The following THSD7B variants were observed in gnomAD, a reference collection of about 807,000 sequenced individuals.
THSD7B encodes the protein thrombospondin type-1 domain-containing protein 7B.
A neutral mutation model predicts 213.6 loss-of-function variants in THSD7B; 138 were observed. That is an observed-to-expected ratio of 0.65 (90% CI 0.56 to 0.74). The LOEUF is 0.74. Among genes scored for constraint, THSD7B ranks in the 30% least tolerant of loss-of-function variants. The pLI is 0.00. For missense variants in THSD7B, 1,931 were observed against 1,991.5 expected, an observed-to-expected ratio of 0.97 and a Z score of 0.58; for synonymous variants, 742 against 687.0, an observed-to-expected ratio of 1.08 and a Z score of -1.25.
intron 5 of THSD7B, among the ~76,000 whole-genome samples, chr2:137,148,805 C>T (rs1679758442): frequency 1.3e-5 from 2 of 152,096 alleles, no homozygotes; most frequent in South Asian, 4.1e-4. Flanking sequence ...CAAGAGAAAG[C>T]AGAGCATAAA....
intron 5 of THSD7B, among the ~76,000 whole-genome samples, chr2:137,137,608 G>A (rs912960920): frequency 6.6e-6 from 1 of 152,112 alleles, no homozygotes; most frequent in Non-Finnish European, 1.5e-5. Flanking sequence ...ATGCCATATA[G>A]CCTAGGTGTA....
At chr2:137,456,594 A>G (rs1411943785) in intron 15 of THSD7B, among the ~76,000 whole-genome samples, 4 of 152,214 alleles carry the variant, frequency 2.6e-5, no homozygotes, top group Non-Finnish European at 4.4e-5. Context: ...CCCAGACTTT[A>G]CTGGAGCAAG....
intron 2 of THSD7B, among the ~76,000 whole-genome samples, chr2:136,922,803 G>A (rs914886357): frequency 3.9e-5 from 6 of 152,240 alleles, no homozygotes; most frequent in East Asian, 1.9e-4. Flanking sequence ...ACAGGAAAGC[G>A]AAACATTTAA....
At chr2:137,439,283 G>A (rs148792741) in intron 14 of THSD7B, among the ~76,000 whole-genome samples, 107 of 152,026 alleles carry the variant, frequency 7.0e-4, no homozygotes, top group Non-Finnish European at 9.6e-4. Flanking sequence ...GAATATTTTG[G>A]TTGCTTTTGA....
chr2:137,118,791 T>G (rs1688489744), intron 5 of THSD7B, among the ~76,000 whole-genome samples: 1 of 152,104 alleles, frequency 6.6e-6, no homozygotes, highest in African/African-American at 2.4e-5. Flanking sequence ...TACCTGAGAC[T>G]GGATAATTAA....
chr2:137,342,708 ATTTTG>A (rs35535578), intron 12 of THSD7B, among the ~76,000 whole-genome samples: 137,023 of 150,300 alleles, frequency 0.91, 63,139 homozygotes, highest in Non-Finnish European at 0.99. Flanking sequence ...TGGTGAGAAG[ATTTTG>A]TTTTGTTTTG....
intron 21 of THSD7B, 112 bp from the exon 22 acceptor site, chr2:137,655,389 G>A: frequency 8.7e-7 from 1 of 1,149,968 alleles, no homozygotes. Context: ...CACAAGAAGA[G>A]GAAGCTACGA....
chr2:137,069,573 G>GAATGCACTGTGACTTCCTT (rs1483908309), intron 3 of THSD7B, among the ~76,000 whole-genome samples: 1 of 151,920 alleles, frequency 6.6e-6, no homozygotes, highest in East Asian at 1.9e-4. Context: ...TTAGTTAAAT[G>GAATGCACTGTGACTTCCTT]AATGCACTGT....
chr2:136,814,850 G>A (rs1190654091), intron 1 of THSD7B, among the ~76,000 whole-genome samples: 2 of 152,098 alleles, frequency 1.3e-5, no homozygotes, highest in African/African-American at 4.8e-5. Flanking sequence ...TTGGCTCACT[G>A]CCTGTTTTTG....
chr2:137,520,772 A>G (rs1208318553), intron 15 of THSD7B, among the ~76,000 whole-genome samples: 1 of 152,242 alleles, frequency 6.6e-6, no homozygotes, highest in African/African-American at 2.4e-5. Context: ...ACATGGCAAC[A>G]TTCAACATTA....
chr2:137,253,189 C>T (rs1205646585), intron 10 of THSD7B, among the ~76,000 whole-genome samples: 1 of 152,020 alleles, frequency 6.6e-6, no homozygotes, highest in Non-Finnish European at 1.5e-5. Context: ...TACCAAAATG[C>T]CTTGGCTGTG....
chr2:136,946,138 G>C (rs2565213), intron 2 of THSD7B, among the ~76,000 whole-genome samples: 61,303 of 151,664 alleles, frequency 0.4, 14,592 homozygotes, highest in Non-Finnish European at 0.55. Context: ...TCTACATATG[G>C]GGTTTTGGTG....
chr2:137,467,780 T>C (rs530849105), intron 15 of THSD7B, among the ~76,000 whole-genome samples: 17 of 152,290 alleles, frequency 1.1e-4, no homozygotes, highest in Middle Eastern at 3.4e-3. Flanking sequence ...GGCTCTTCCT[T>C]GACACTTACA....
intron 2 of THSD7B, among the ~76,000 whole-genome samples, chr2:136,952,762 A>G (rs1685060848): frequency 6.6e-6 from 1 of 152,164 alleles, no homozygotes; most frequent in Admixed American, 6.5e-5. Flanking sequence ...AGAGTCAAGT[A>G]CATAGGCCTT....
intron 3 of THSD7B, among the ~76,000 whole-genome samples, chr2:137,073,703 C>T (rs1687552478): frequency 6.6e-6 from 1 of 152,126 alleles, no homozygotes; most frequent in South Asian, 2.1e-4. Context: ...ATCTTTCCTG[C>T]TTTCTCTTGT....
intron 1 of THSD7B, among the ~76,000 whole-genome samples, chr2:136,777,774 T>C (rs1681641939): frequency 1.3e-5 from 2 of 152,078 alleles, no homozygotes; most frequent in African/African-American, 4.8e-5. Context: ...GAATTTTAGG[T>C]TTTGGAAACA....
At chr2:137,337,372 A>G (rs2104902441) in intron 12 of THSD7B, among the ~76,000 whole-genome samples, 1 of 152,112 alleles carries the variant, frequency 6.6e-6, no homozygotes, top group Non-Finnish European at 1.5e-5. Context: ...CACGTTTCTC[A>G]GTTGGAGTTT....
chr2:136,844,637 C>A (rs1354142495), intron 1 of THSD7B, among the ~76,000 whole-genome samples: 1 of 152,112 alleles, frequency 6.6e-6, no homozygotes, highest in Non-Finnish European at 1.5e-5. Flanking sequence ...TCTGAGCACA[C>A]ATAGGTGATG....
chr2:137,609,594 G>A (rs1392358825), intron 17 of THSD7B, among the ~76,000 whole-genome samples: 15 of 152,182 alleles, frequency 9.9e-5, no homozygotes, highest in Non-Finnish European at 5.9e-5. Flanking sequence ...TGGGCAGATT[G>A]TGTAAGCAGG....
Sources: allele counts gnomAD v4.1 joint callset (sites outside exome capture counted in the v4.1 genomes callset), GRCh38; gene constraint gnomAD v4.1.1; transcripts MANE v1.5; gene names NCBI Gene and HGNC (gene_info 2026-07-23, HGNC 2026-07-21).